The following BEND2 variants were observed in gnomAD, a reference collection of about 807,000 sequenced individuals.
BEND2 encodes the protein BEN domain containing 2, also known as BEN domain-containing protein 2.
BEND2 carries 19 observed loss-of-function variants against 43.8 expected under a neutral mutation model. The observed-to-expected ratio is 0.43, with a 90% CI of 0.30 to 0.64. The LOEUF (loss-of-function observed/expected upper bound fraction) is 0.64. Ranked by LOEUF, BEND2 falls within the 30% of genes least tolerant of loss-of-function variation. The pLI is 0.11. For missense variants in BEND2, 544 were observed against 574.0 expected (o/e 0.95, Z 0.53); for synonymous variants, 226 against 210.1 (o/e 1.08, Z -0.66).
chrX:18,212,487 AT>A lies in BEND2; in HGVS notation c.492+77del. On this transcript the variant is annotated intron_variant, in intron 4 of 13. Transcript: ENST00000380033. ...ATTTTACTGCATGAAATTCAACTCC[AT>A]TTTTTAAAAAGAAATACAGCAGAAT... The A allele has an allele frequency of 4.0e-6, 3 of 758,478 alleles. No individual in the cohort carries two copies. The South Asian group carries it at 7.9e-5, about 20-fold the overall frequency. 62.5% of individuals were successfully genotyped at this position (758,478 alleles called of 1,213,427 possible). A position where few individuals can be genotyped will look rare whatever the true frequency, so the allele number is the denominator to read the frequency against.
At chrX:18,182,674 T>G (rs955506239) in intron 8 of BEND2, among the ~76,000 whole-genome samples, 3 of 109,362 alleles carry the variant, frequency 2.7e-5, no homozygotes, top group African/African-American at 1.0e-4. Context: ...ACTGAAAGAG[T>G]AGAAAGGCAA....
chrX:18,203,955 C>T, intron 4 of BEND2, 40 bp from the exon 5 acceptor site: 1 of 1,097,778 alleles, frequency 9.1e-7, no homozygotes, highest in Non-Finnish European at 1.2e-6. Flanking sequence ...AAGTTATTTT[C>T]TTCGGTTCCT....
At chrX:18,214,006 GT>G (rs57391070) in intron 2 of BEND2, 95 bp from the exon 3 acceptor site, 17,518 of 108,300 alleles carry the variant, frequency 0.16, 1,122 homozygotes, top group East Asian at 0.34. Flanking sequence ...TTTTTAAGCT[GT>G]TTTTTTTTTC....
chrX:18,209,805 T>C lies in BEND2; in HGVS notation c.492+2760A>G, dbSNP rs1602053050. The stretch of plus-strand genomic sequence containing the variant: ...CTGGAACAGAAAAAGGACATGGGAT[T>C]GGGTAGGAATGGCAAAATTCAAACA... On this transcript the variant is annotated intron_variant, in intron 4 of 13. Transcript: ENST00000380033. Among the ~76,000 whole-genome samples the C allele has an allele frequency of 3.6e-5, 4 of 110,807 alleles. No homozygotes were observed. The Admixed American group carries it at 3.9e-4, about 11-fold the overall frequency.
chrX:18,182,637 A>G (rs994006738), intron 8 of BEND2, among the ~76,000 whole-genome samples: 1 of 111,610 alleles, frequency 9.0e-6, no homozygotes, highest in Non-Finnish European at 1.9e-5. Context: ...CACCAATCAA[A>G]AGTGTCTCAA....
At position 18,220,856 on chromosome X, in the gene BEND2, A is replaced by G; in HGVS notation, c.-106T>C. 1.1e-6 allele frequency: 1 copy of G among 905,030 alleles called. No individual in the cohort carries two copies. Among genetic ancestry groups the G allele is most frequent in the South Asian group, 2.3e-5 (1 of 43,016 alleles). The allele number at this position is 905,030 out of a possible 1,213,427, so 74.6% of individuals were successfully genotyped here. On this transcript the variant is annotated 5_prime_UTR_variant, in exon 1 of 14. Transcript: ENST00000380033. ...GGTAACTGCTTGGTAACTGTGTGGTAACTGCGTACACTCGTTGTCCGAGGC... is the reference window on the plus strand; with the variant it reads ...GGTAACTGCTTGGTAACTGTGTGGTGACTGCGTACACTCGTTGTCCGAGGC...
intron 3 of BEND2, among the ~76,000 whole-genome samples, chrX:18,213,015 C>G (rs1282931816): frequency 9.0e-6 from 1 of 111,409 alleles, no homozygotes. Flanking sequence ...CCAAAAGGCC[C>G]TTGACTAAGG....
chrX:18,176,135 A>G (rs764941354), intron 10 of BEND2, 42 bp from the exon 11 acceptor site: 2 of 1,157,739 alleles, frequency 1.7e-6, no homozygotes, highest in Non-Finnish European at 2.3e-6. Flanking sequence ...AGAAAAAAAA[A>G]TTAACAAACT....
chrX:18,198,875 A>G (rs1386517018), intron 6 of BEND2, among the ~76,000 whole-genome samples: 4 of 107,706 alleles, frequency 3.7e-5, no homozygotes, highest in African/African-American at 1.4e-4. Context: ...TGCAGCCATA[A>G]AAAATGATGA....
In BEND2 at chrX:18,174,063, T is replaced by G. The variant is rs779614276; in HGVS notation, c.1948A>C (p.Thr650Pro). ...AIPEGMREPS[T>P]DNPEEPGEAW... The stretch of plus-strand genomic sequence containing the variant: ...TCACCAGGTTCCTCTGGATTATCAG[T>G]GGAAGGTTCTCGCATTCCTTCAGGG... The change falls in exon 12 of 14, where the codon ACT (threonine) becomes CCT (proline). Residue 650 changes from threonine (T) to proline (P), a missense_variant. Coordinates refer to ENST00000380033, the MANE Select transcript of BEND2 (RefSeq NM_153346.5). 1 of 1,207,982 alleles carries G rather than the reference T, an allele frequency of 8.3e-7. No individual in the cohort carries two copies. The highest frequency in any genetic ancestry group is 1.1e-6 in the Non-Finnish European group (1 of 893,905).
intron 4 of BEND2, among the ~76,000 whole-genome samples, chrX:18,206,995 C>G (rs1214748667): frequency 9.0e-6 from 1 of 111,726 alleles, no homozygotes; most frequent in Non-Finnish European, 1.9e-5. Context: ...TTCAGGCTGA[C>G]CATGGCCCTA....
chrX:18,216,944 T>C (rs941146064), intron 1 of BEND2, among the ~76,000 whole-genome samples: 2 of 112,726 alleles, frequency 1.8e-5, no homozygotes, highest in Non-Finnish European at 3.7e-5. Context: ...TGTATGCATA[T>C]ACACACATAG....
chrX:18,186,407 G>A (rs754678770), intron 8 of BEND2, among the ~76,000 whole-genome samples: 207 of 102,444 alleles, frequency 2.0e-3, no homozygotes, highest in Non-Finnish European at 3.4e-3. Context: ...GCAGTGAGCC[G>A]AGATTGCGCC....
chrX:18,215,397 A>C (rs2147438442), intron 2 of BEND2, among the ~76,000 whole-genome samples: 1 of 112,215 alleles, frequency 8.9e-6, no homozygotes, highest in South Asian at 3.7e-4. Flanking sequence ...TAGTTTTAAA[A>C]CCAAAACAGA....
chrX:18,177,524 T>C (rs1924212000), intron 10 of BEND2, 45 bp downstream of exon 10: 3 of 1,128,023 alleles, frequency 2.7e-6, no homozygotes, highest in East Asian at 3.0e-5. Flanking sequence ...TATGACCAAA[T>C]GATGATTAAA....
intron 10 of BEND2, among the ~76,000 whole-genome samples, chrX:18,177,259 CTTTTT>C (rs3082649): frequency 5.3e-5 from 3 of 56,236 alleles, no homozygotes; most frequent in Non-Finnish European, 9.3e-5. Flanking sequence ...GAGCTTTTTC[CTTTTT>C]TTTTTTTTTT....
chrX:18,173,760 A>G (rs1159402264), intron 12 of BEND2, among the ~76,000 whole-genome samples: 1 of 112,224 alleles, frequency 8.9e-6, no homozygotes, highest in East Asian at 2.8e-4. Flanking sequence ...ACCACAGAGG[A>G]CAGTGCCTTA....
chrX:18,203,528 A>G lies in BEND2; in HGVS notation c.880T>C (p.Ser294Pro). 8.3e-7 allele frequency: 1 copy of G among 1,208,350 alleles called. No homozygotes were observed. Among genetic ancestry groups the G allele is most frequent in the Non-Finnish European group, 1.1e-6 (1 of 892,661 alleles). Residue 294 changes from serine (S) to proline (P), a missense_variant, in exon 5 of 14, where the codon TCA becomes CCA. Transcript: ENST00000380033. Reference sequence around the variant, plus strand: ...AAATTGGGATGGAAGCAGAAAGATGACAAGGCTCTACCTGGGCCCACATTT... The same window carrying G: ...AAATTGGGATGGAAGCAGAAAGATGGCAAGGCTCTACCTGGGCCCACATTT... ...NENVGPGRAL[S>P]SFCFHPNLEM...
intron 11 of BEND2, among the ~76,000 whole-genome samples, chrX:18,175,504 T>C (rs1924115176): frequency 8.9e-6 from 1 of 112,151 alleles, no homozygotes; most frequent in South Asian, 3.7e-4. Context: ...GTAAAATATC[T>C]GTAATCGTTT....
Sources: gnomAD v4.1 joint callset for allele counts (sites outside exome capture counted in the v4.1 genomes callset) on GRCh38, gnomAD v4.1.1 for gene constraint, MANE v1.5 for transcripts, NCBI Gene and HGNC (gene_info 2026-07-23, HGNC 2026-07-21) for gene names.